Variants in PAM observed in about 807,000 individuals in gnomAD.
The protein encoded by PAM is peptidylglycine alpha-amidating monooxygenase.
In PAM, 72 loss-of-function variants were observed where a neutral mutation model predicts 122.1. The ratio of observed to expected loss-of-function variants is 0.59; its 90% CI spans 0.49 to 0.72. PAM has a LOEUF of 0.72. PAM is among the 30% of genes least tolerant of loss of function. PAM has a pLI of 0.00. For missense variants in PAM, 1,106 were observed against 1,183.7 expected, an observed-to-expected ratio of 0.93 and a Z score of 0.96; for synonymous variants, 389 against 404.4, an observed-to-expected ratio of 0.96 and a Z score of 0.46.
intron 1 of PAM, among the ~76,000 whole-genome samples, chr5:102,853,463 AAT>A (rs1781817447): frequency 6.6e-6 from 1 of 152,196 alleles, no homozygotes; most frequent in East Asian, 1.9e-4. Flanking sequence ...ATAAAGATGA[AAT>A]ATATATAGGT....
chr5:102,924,345 A>G (rs565744903), intron 5 of PAM, among the ~76,000 whole-genome samples: 2 of 151,228 alleles, frequency 1.3e-5, no homozygotes, highest in Non-Finnish European at 2.9e-5. Context: ...AGGCAGGAGA[A>G]TCGCTTGAAC....
intron 1 of PAM, among the ~76,000 whole-genome samples, chr5:102,772,784 G>A (rs1756161401): frequency 6.6e-6 from 1 of 152,064 alleles, no homozygotes; most frequent in Non-Finnish European, 1.5e-5. Flanking sequence ...ATGTTTTGCT[G>A]AAAGTAAACT....
chr5:102,837,111 G>A (rs566901919), intron 1 of PAM, among the ~76,000 whole-genome samples: 7 of 152,110 alleles, frequency 4.6e-5, no homozygotes, highest in Non-Finnish European at 7.4e-5. Flanking sequence ...CCCTCCCTTA[G>A]GGATATGCCA....
intron 7 of PAM, 21 bp downstream of exon 7, chr5:102,926,689 A>T: frequency 8.7e-7 from 1 of 1,148,456 alleles, no homozygotes; most frequent in Non-Finnish European, 1.3e-6. Context: ...AAGTGTTGGA[A>T]CTAAGCAAAA....
At chr5:102,774,093 AT>A (rs2149790852) in intron 1 of PAM, among the ~76,000 whole-genome samples, 1 of 151,920 alleles carries the variant, frequency 6.6e-6, no homozygotes, top group East Asian at 1.9e-4. Context: ...ATCCCACCAC[AT>A]TTTCTTTATC....
At chr5:102,759,509 A>AG (rs1301218827) in intron 1 of PAM, among the ~76,000 whole-genome samples, 2 of 152,244 alleles carry the variant, frequency 1.3e-5, no homozygotes, top group Non-Finnish European at 2.9e-5. Context: ...GTTGGGATGC[A>AG]GGCCAAGTGT....
intron 5 of PAM, among the ~76,000 whole-genome samples, chr5:102,920,935 C>T (rs1047486904): frequency 2.6e-5 from 4 of 151,836 alleles, no homozygotes; most frequent in African/African-American, 9.7e-5. Context: ...TTGGATAATT[C>T]GAAATGACAA....
At chr5:102,886,103 T>A (rs753787886) in intron 3 of PAM, among the ~76,000 whole-genome samples, 1 of 152,056 alleles carries the variant, frequency 6.6e-6, no homozygotes, top group Admixed American at 6.6e-5. Flanking sequence ...ATAGTTTCCT[T>A]GCATTTGCAA....
intron 3 of PAM, among the ~76,000 whole-genome samples, chr5:102,890,102 G>A (rs1034155859): frequency 1.3e-5 from 2 of 151,778 alleles, no homozygotes; most frequent in Non-Finnish European, 2.9e-5. Flanking sequence ...ATACATTTTA[G>A]GTTTTGCTGA....
At chr5:102,935,776 GA>G (rs1437649634) in intron 7 of PAM, among the ~76,000 whole-genome samples, 1 of 152,130 alleles carries the variant, frequency 6.6e-6, no homozygotes, top group Non-Finnish European at 1.5e-5. Context: ...GATCTTAATA[GA>G]ATTACCTCTA....
chr5:102,803,164 AGG>A (rs1765284012), intron 1 of PAM, among the ~76,000 whole-genome samples: 4 of 14,246 alleles, frequency 2.8e-4, no homozygotes, highest in Admixed American at 9.0e-4. Flanking sequence ...GAAGGAAGGA[AGG>A]AAGGAAGGAA....
chr5:102,946,778 T>G, intron 7 of PAM, 59 bp from the exon 8 acceptor site: 1 of 1,011,998 alleles, frequency 9.9e-7, no homozygotes, highest in Non-Finnish European at 1.5e-6. Flanking sequence ...TCTTACTAGT[T>G]GGAAATCCAT....
At chr5:102,812,000 A>C (rs1296103052) in intron 1 of PAM, among the ~76,000 whole-genome samples, 2 of 152,224 alleles carry the variant, frequency 1.3e-5, no homozygotes, top group African/African-American at 4.8e-5. Context: ...AATTTCCATT[A>C]GTTAACTCCT....
At chr5:102,762,877 C>T (rs2149685951) in intron 1 of PAM, among the ~76,000 whole-genome samples, 1 of 152,256 alleles carries the variant, frequency 6.6e-6, no homozygotes, top group Non-Finnish European at 1.5e-5. Context: ...AGTGAAATGC[C>T]TTTAAAACAT....
intron 14 of PAM, among the ~76,000 whole-genome samples, chr5:102,972,470 T>C (rs1490362432): frequency 6.6e-6 from 1 of 151,962 alleles, no homozygotes; most frequent in Non-Finnish European, 1.5e-5. Context: ...CTTAGAGAGA[T>C]AGGGTCTCAC....
chr5:103,006,944 T>G lies in PAM; in HGVS notation c.1947T>G (p.Asp649Glu), dbSNP rs374784351. 1 of 1,614,104 alleles carries G rather than the reference T, an allele frequency of 6.2e-7. No individual in the cohort carries two copies. The highest frequency in any genetic ancestry group is 8.5e-7 in the Non-Finnish European group (1 of 1,179,996). Residue 649 changes from aspartate (D) to glutamate (E), a missense_variant, in exon 19 of 26, where the codon GAT becomes GAG. Coordinates refer to ENST00000438793, the MANE Select transcript of PAM (RefSeq NM_001177306.2). ...DPGTGAIYVS[D>E]GYCNSRIVQF... ...GCACTGGAGCCATTTATGTATCAGA[T>G]GGTTACTGCAACAGCAGGATTGTGC... is the stretch of plus-strand genomic sequence containing the variant.
chr5:102,766,450 T>A (rs1290413616), intron 1 of PAM, among the ~76,000 whole-genome samples: 1 of 152,058 alleles, frequency 6.6e-6, no homozygotes, highest in Non-Finnish European at 1.5e-5. Context: ...CCTATGAGAC[T>A]CTAATGCCGC....
chr5:102,900,559 A>G (rs896806545), intron 3 of PAM, among the ~76,000 whole-genome samples: 3 of 151,592 alleles, frequency 2.0e-5, no homozygotes, highest in African/African-American at 7.3e-5. Context: ...ATTTCTATCC[A>G]TGTTAGTGGA....
At chr5:102,803,510 G>T (rs1257416943) in intron 1 of PAM, among the ~76,000 whole-genome samples, 1 of 152,122 alleles carries the variant, frequency 6.6e-6, no homozygotes, top group Non-Finnish European at 1.5e-5. Context: ...CTGCTCTCTG[G>T]CTGTGATGAG....
Sources: allele counts gnomAD v4.1 joint callset (sites outside exome capture counted in the v4.1 genomes callset), GRCh38; gene constraint gnomAD v4.1.1; transcripts MANE v1.5; gene names NCBI Gene and HGNC (gene_info 2026-07-23, HGNC 2026-07-21).